The following TMEM196 variants were observed in gnomAD, a reference collection of about 807,000 sequenced individuals.
TMEM196 encodes the protein transmembrane protein 196.
TMEM196 carries 17 observed loss-of-function variants against 20.0 expected under a neutral mutation model. The ratio of observed to expected loss-of-function variants is 0.85; its 90% CI spans 0.58 to 1.27. The LOEUF (loss-of-function observed/expected upper bound fraction) is 1.27, where lower values mean the gene tolerates loss of function less well. Among genes scored for constraint, TMEM196 ranks in the 50% most tolerant of loss-of-function variants. The pLI, the probability that TMEM196 is intolerant of heterozygous loss-of-function variation, is 0.00. For synonymous variants in TMEM196, 113 were observed against 88.9 expected (o/e 1.27, Z -1.52); for missense variants, 267 against 223.0 (o/e 1.20, Z -1.26).
rs367689288 is a variant in TMEM196, at chr7:19,767,785, G to A, written c.147+4765C>T. 5.9e-4 allele frequency among the ~76,000 whole-genome samples: 89 copies of A among 152,036 alleles called. 1 individual carries two copies. In the South Asian group the frequency reaches 0.017, roughly 30 times the overall value. On this transcript the variant is annotated intron_variant, in intron 1 of 4. Coordinates refer to ENST00000405844, the MANE Select transcript of TMEM196 (RefSeq NM_001363562.2). Reference sequence around the variant, plus strand: ...TACTTGATGTGGGAGAAAAAATGATGTATTACCTGGTTAGAGACACACTAG... The same window carrying A: ...TACTTGATGTGGGAGAAAAAATGATATATTACCTGGTTAGAGACACACTAG...
intron 1 of TMEM196, among the ~76,000 whole-genome samples, chr7:19,770,702 C>G (rs965813834): frequency 2.6e-5 from 4 of 152,158 alleles, no homozygotes; most frequent in African/African-American, 9.6e-5. Context: ...ATAATTCTTT[C>G]TTATAGTGAC....
intron 1 of TMEM196, among the ~76,000 whole-genome samples, chr7:19,732,228 G>A (rs761277630): frequency 3.9e-5 from 6 of 152,106 alleles, no homozygotes; most frequent in African/African-American, 7.2e-5. Flanking sequence ...ACACATCAAG[G>A]TCAGAAATCA....
chr7:19,750,518 C>T (rs145443034), intron 1 of TMEM196, among the ~76,000 whole-genome samples: 1 of 152,112 alleles, frequency 6.6e-6, no homozygotes, highest in Non-Finnish European at 1.5e-5. Context: ...CTCCTTAACA[C>T]ATGTCAGCCT....
At chr7:19,771,471 T>G (rs138528988) in intron 1 of TMEM196, among the ~76,000 whole-genome samples, 55 of 152,354 alleles carry the variant, frequency 3.6e-4, no homozygotes, top group African/African-American at 1.2e-3. Flanking sequence ...GAATTACTTT[T>G]GAATAATTTT....
chr7:19,758,733 C>T (rs57657485), intron 1 of TMEM196, among the ~76,000 whole-genome samples: 13,717 of 152,160 alleles, frequency 0.09, 1,806 homozygotes, highest in African/African-American at 0.28. Flanking sequence ...GAATTCTATC[C>T]CTTCTTTACC....
At chr7:19,726,737 T>C (rs1784013878) in intron 2 of TMEM196, among the ~76,000 whole-genome samples, 1 of 152,220 alleles carries the variant, frequency 6.6e-6, no homozygotes, top group African/African-American at 2.4e-5. Context: ...TTTAATTAAC[T>C]AGTCAAATAA....
intron 1 of TMEM196, among the ~76,000 whole-genome samples, chr7:19,737,768 T>C (rs1443614672): frequency 6.6e-6 from 1 of 151,856 alleles, no homozygotes; most frequent in Non-Finnish European, 1.5e-5. Context: ...TAAAGGGGGT[T>C]GAAAAGGCAA....
chr7:19,761,920 T>A (rs937519881), intron 1 of TMEM196, among the ~76,000 whole-genome samples: 1 of 152,234 alleles, frequency 6.6e-6, no homozygotes, highest in African/African-American at 2.4e-5. Flanking sequence ...CATCTCCCCC[T>A]CAGTGTTCAT....
rs1785970142 is a variant in TMEM196, at chr7:19,773,353, T to G, written c.-657A>C. On this transcript the variant is annotated 5_prime_UTR_variant, in exon 1 of 5. Coordinates refer to ENST00000405844, the MANE Select transcript of TMEM196 (RefSeq NM_001363562.2). ...AAGCGACCTTGTCTGATGGCCTCTT[T>G]CCGTCTGGGTTTCTTCTCCCTCGTC... The G allele has an allele frequency of 6.4e-6, 1 of 155,098 alleles. No homozygotes were observed. Among genetic ancestry groups the G allele is most frequent in the Non-Finnish European group, 1.5e-5 (1 of 68,532 alleles). The allele number at this position is 155,098 out of a possible 1,614,324, so 9.6% of individuals were successfully genotyped here.
Position 19,721,992 on chromosome 7 carries a change from A to G in TMEM196, c.*136T>C. The G allele has an allele frequency of 8.2e-7, 1 of 1,213,366 alleles. No homozygotes were observed. Among genetic ancestry groups the G allele is most frequent in the Non-Finnish European group, 1.2e-6 (1 of 840,570 alleles). 75.2% of individuals were successfully genotyped at this position (1,213,366 alleles called of 1,614,324 possible). On this transcript the variant is annotated 3_prime_UTR_variant, in exon 5 of 5. Coordinates refer to ENST00000405844, the MANE Select transcript of TMEM196 (RefSeq NM_001363562.2). ...GCTCAGGAGAGATAAATGCAAATGC[A>G]AAAACTGTTTTATTTTCTAGTCCTT...
chr7:19,756,341 C>T (rs539156581), intron 1 of TMEM196, among the ~76,000 whole-genome samples: 11 of 150,512 alleles, frequency 7.3e-5, no homozygotes, highest in African/African-American at 2.0e-4. Flanking sequence ...GTATTTTTTA[C>T]CTGTAGCACA....
chr7:19,762,011 A>G (rs1785455415), intron 1 of TMEM196, among the ~76,000 whole-genome samples: 1 of 152,066 alleles, frequency 6.6e-6, no homozygotes, highest in Admixed American at 6.6e-5. Flanking sequence ...TTTCTTTTTT[A>G]AAAAATTATC....
At chr7:19,750,175 C>T (rs985641436) in intron 1 of TMEM196, among the ~76,000 whole-genome samples, 11 of 152,130 alleles carry the variant, frequency 7.2e-5, no homozygotes, top group African/African-American at 2.4e-4. Context: ...CTTTCTCTCT[C>T]TTTAAGAGTC....
At chr7:19,750,125 A>C (rs1331046902) in intron 1 of TMEM196, among the ~76,000 whole-genome samples, 4 of 152,194 alleles carry the variant, frequency 2.6e-5, no homozygotes, top group Non-Finnish European at 5.9e-5. Context: ...CTAGCTTCTC[A>C]GCCATTTTCA....
At chr7:19,729,324 T>C in intron 2 of TMEM196, 58 bp downstream of exon 2, 1 of 1,465,832 alleles carries the variant, frequency 6.8e-7, no homozygotes, top group Non-Finnish European at 9.2e-7. Flanking sequence ...TCATTTCTAT[T>C]TTAGAATTTT....
Position 19,729,374 on chromosome 7 carries a change from A to G in TMEM196, c.204+8T>C, listed in dbSNP as rs1158171721. ...TCAATGCACAATACAAACAAATCAA[A>G]CACTTACGACAAGTCCTGATTTTTT... On this transcript the variant is annotated splice_region_variant and intron_variant, in intron 2 of 4. Transcript: ENST00000405844. 2.1e-5 allele frequency: 33 copies of G among 1,550,328 alleles called. No individual in the cohort carries two copies. Among genetic ancestry groups the G allele is most frequent in the Non-Finnish European group, 2.9e-5 (33 of 1,146,562 alleles).
chr7:19,746,690 A>G (rs926565009), intron 1 of TMEM196, among the ~76,000 whole-genome samples: 4 of 152,252 alleles, frequency 2.6e-5, no homozygotes, highest in Admixed American at 1.3e-4. Flanking sequence ...ATTAAAGATC[A>G]TAGCAGATAA....
At chr7:19,736,199 AC>A (rs1345393018) in intron 1 of TMEM196, among the ~76,000 whole-genome samples, 1 of 151,610 alleles carries the variant, frequency 6.6e-6, no homozygotes, top group Non-Finnish European at 1.5e-5. Flanking sequence ...GTGGTTCAAC[AC>A]ACAAAATGCA....
chr7:19,759,836 C>A (rs1464965684), intron 1 of TMEM196, among the ~76,000 whole-genome samples: 1 of 152,132 alleles, frequency 6.6e-6, no homozygotes, highest in Non-Finnish European at 1.5e-5. Context: ...ACTATCTGTG[C>A]TTCTATTTTT....
Sources: allele counts gnomAD v4.1 joint callset (sites outside exome capture counted in the v4.1 genomes callset), GRCh38; gene constraint gnomAD v4.1.1; transcripts MANE v1.5; gene names NCBI Gene and HGNC (gene_info 2026-07-23, HGNC 2026-07-21).